GABRP: variants seen among roughly 807,000 people sequenced by gnomAD.
GABRP encodes the protein gamma-aminobutyric acid type A receptor subunit pi.
GABRP carries 52 observed loss-of-function variants against 47.8 expected under a neutral mutation model. The observed-to-expected ratio is 1.09, with a 90% CI of 0.87 to 1.37. The LOEUF (loss-of-function observed/expected upper bound fraction) is 1.37. Among genes scored for constraint, GABRP ranks in the 40% most tolerant of loss-of-function variants. The pLI, the probability that GABRP is intolerant of heterozygous loss-of-function variation, is 0.00. For missense variants in GABRP, 525 were observed against 542.8 expected (o/e 0.97, Z 0.33); for synonymous variants, 221 against 205.8 (o/e 1.07, Z -0.63).
At chr5:170,794,469 A>AGATTCTT in intron 4 of GABRP, 171 bp downstream of exon 4, 1 of 422,510 alleles carries the variant, frequency 2.4e-6, no homozygotes, top group Non-Finnish European at 4.2e-6. Context: ...AGACAGTGGG[A>AGATTCTT]GATTCTTGTA....
intron 1 of GABRP, 102 bp from the exon 2 acceptor site, chr5:170,788,472 C>T (rs1473308811): frequency 4.2e-6 from 3 of 710,170 alleles, no homozygotes; most frequent in Non-Finnish European, 7.5e-6. Flanking sequence ...CCTATGCATG[C>T]TGAGAAAATG....
intron 6 of GABRP, among the ~76,000 whole-genome samples, chr5:170,804,009 C>G (rs1765661328): frequency 6.6e-6 from 1 of 152,142 alleles, no homozygotes; most frequent in Non-Finnish European, 1.5e-5. Context: ...CACAGGTGAT[C>G]CACCTGCCTC....
At chr5:170,801,024 C>G (rs898461652) in intron 6 of GABRP, among the ~76,000 whole-genome samples, 1 of 152,150 alleles carries the variant, frequency 6.6e-6, no homozygotes, top group Non-Finnish European at 1.5e-5. Flanking sequence ...TTACTTAATC[C>G]ATGTCTGTCA....
Position 170,805,856 on chromosome 5 carries a change from A to G in GABRP, c.679+3A>G. ...CACCAGATCGCAGCAGGAGACAGGT[A>G]ACTCATGTGACAAACTGTATGAAAT... is the stretch of plus-strand genomic sequence containing the variant. On this transcript the variant is annotated splice_donor_region_variant and intron_variant, in intron 7 of 9. Coordinates refer to ENST00000265294, the MANE Select transcript of GABRP (RefSeq NM_014211.3). 1 of 1,613,636 alleles carries G rather than the reference A, an allele frequency of 6.2e-7. No individual in the cohort carries two copies. The highest frequency in any genetic ancestry group is 8.5e-7 in the Non-Finnish European group (1 of 1,179,696).
rs113994378 is a variant in GABRP at position 170,784,427 on chromosome 5, C to A, written c.-43+553C>A. 2.7e-3 allele frequency among the ~76,000 whole-genome samples: 411 copies of A among 152,216 alleles called. 6 individuals carry two copies. Among genetic ancestry groups the A allele is most frequent in the African/African-American group, 9.0e-3 (374 of 41,520 alleles). ...GAAGTTTTCAAAAGAGACATAGAGG[C>A]CAAGAGCACGGAGTATAGAAGCCCA... On this transcript the variant is annotated intron_variant, in intron 1 of 9. Coordinates refer to ENST00000265294, the MANE Select transcript of GABRP (RefSeq NM_014211.3).
chr5:170,788,741 G>A (rs557814182), intron 2 of GABRP, 73 bp downstream of exon 2: 2 of 1,407,016 alleles, frequency 1.4e-6, no homozygotes, highest in Non-Finnish European at 2.0e-6. Flanking sequence ...GGAGGGGGCA[G>A]CTCCTCCTAT....
At chr5:170,793,088 T>C (rs1765320665) in intron 3 of GABRP, among the ~76,000 whole-genome samples, 1 of 152,130 alleles carries the variant, frequency 6.6e-6, no homozygotes, top group Admixed American at 6.5e-5. Context: ...GATGAACACC[T>C]TCAGGATGTC....
chr5:170,805,250 C>T (rs1381591105), intron 6 of GABRP, among the ~76,000 whole-genome samples: 3 of 151,884 alleles, frequency 2.0e-5, no homozygotes, highest in African/African-American at 7.2e-5. Flanking sequence ...ATCTAACGTG[C>T]ATTTTTACAG....
At chr5:170,802,287 A>G (rs1765616226) in intron 6 of GABRP, among the ~76,000 whole-genome samples, 1 of 152,166 alleles carries the variant, frequency 6.6e-6, no homozygotes, top group Admixed American at 6.5e-5. Flanking sequence ...TGCAGATATG[A>G]TTTATTAAGG....
In GABRP at chr5:170,795,555, C is replaced by T. The variant is rs540333385; in HGVS notation, c.458+130C>T. 5.0e-5 allele frequency: 35 copies of T among 702,244 alleles called. No homozygotes were observed. The East Asian group carries it at 8.6e-4, about 17-fold the overall frequency. 43.5% of individuals were successfully genotyped at this position (702,244 alleles called of 1,614,324 possible). A position where few individuals can be genotyped will look rare whatever the true frequency, so the allele number is the denominator to read the frequency against. ...GTCCCATGGCTTCTTAGATCCTTGC[C>T]CCCATAATAGAAGGTCCCTCTCTCA... On this transcript the variant is annotated intron_variant, in intron 5 of 9. Coordinates refer to ENST00000265294, the MANE Select transcript of GABRP (RefSeq NM_014211.3).
rs1581607554 is a variant in GABRP, at chr5:170,808,582, T to G, written c.680-18T>G. Reference sequence around the variant, plus strand: ...ACACGAACAGACACAATTTCCTATCTGTTGTTTACCCTTTCAGGAAATTAC... The same window carrying G: ...ACACGAACAGACACAATTTCCTATCGGTTGTTTACCCTTTCAGGAAATTAC... On this transcript the variant is annotated intron_variant, in intron 7 of 9. Coordinates refer to ENST00000265294, the MANE Select transcript of GABRP (RefSeq NM_014211.3). 1.2e-6 allele frequency: 2 copies of G among 1,608,224 alleles called. No individual in the cohort carries two copies. Among genetic ancestry groups the G allele is most frequent in the South Asian group, 2.2e-5 (2 of 90,562 alleles).
At chr5:170,808,362 G>C (rs1765790268) in intron 7 of GABRP, among the ~76,000 whole-genome samples, 1 of 152,192 alleles carries the variant, frequency 6.6e-6, no homozygotes, top group Admixed American at 6.5e-5. Flanking sequence ...TGATTGCACT[G>C]CTGTAGGAAT....
At chr5:170,805,036 T>A (rs1765693966) in intron 6 of GABRP, among the ~76,000 whole-genome samples, 1 of 147,784 alleles carries the variant, frequency 6.8e-6, no homozygotes, top group Admixed American at 6.8e-5. Flanking sequence ...TTATATATTA[T>A]ATAGATATAA....
intron 4 of GABRP, 76 bp downstream of exon 4, chr5:170,794,374 TCAAAA>T: frequency 1.4e-5 from 3 of 213,242 alleles, no homozygotes; most frequent in South Asian, 1.6e-4. Context: ...TTCTAGCCGC[TCAAAA>T]AAAAAAAAAA....
At chr5:170,791,666 C>T (rs1260040144) in intron 3 of GABRP, among the ~76,000 whole-genome samples, 1 of 96,220 alleles carries the variant, frequency 1.0e-5, no homozygotes, top group East Asian at 3.9e-4. Flanking sequence ...GGACAGAAAG[C>T]ACAGTGGAGC....
Position 170,808,570 on chromosome 5 carries a change from C to A in GABRP, c.680-30C>A, listed in dbSNP as rs1179843559. On this transcript the variant is annotated intron_variant, in intron 7 of 9. Coordinates refer to ENST00000265294, the MANE Select transcript of GABRP (RefSeq NM_014211.3). ...AAACCACTTGCTACACGAACAGACACAATTTCCTATCTGTTGTTTACCCTT... is the reference window on the plus strand; with the variant it reads ...AAACCACTTGCTACACGAACAGACAAAATTTCCTATCTGTTGTTTACCCTT... The A allele has an allele frequency of 4.4e-6, 7 of 1,602,630 alleles. No individual in the cohort carries two copies. In the South Asian group the frequency reaches 6.7e-5, roughly 15 times the overall value.
At chr5:170,807,835 C>T (rs1316516766) in intron 7 of GABRP, among the ~76,000 whole-genome samples, 1 of 152,088 alleles carries the variant, frequency 6.6e-6, no homozygotes, top group African/African-American at 2.4e-5. Flanking sequence ...GTTGGAGCAG[C>T]TCCCATTCAC....
Position 170,795,306 on chromosome 5 carries a change from G to C in GABRP, c.339G>C (p.Glu113Asp). Reference sequence around the variant, plus strand: ...TCACTCTGGATGCCCGCCTCGTGGAGTTCCTCTGGGTGCCAGATACTTACA... The same window carrying C: ...TCACTCTGGATGCCCGCCTCGTGGACTTCCTCTGGGTGCCAGATACTTACA... ...KSFTLDARLVEFLWVPDTYIV... is the reference protein window; with the variant it reads ...KSFTLDARLVDFLWVPDTYIV... The change falls in exon 5 of 10, where the codon GAG becomes GAC. Residue 113 changes from glutamate (E) to aspartate (D), a missense_variant. Coordinates refer to ENST00000265294, the MANE Select transcript of GABRP (RefSeq NM_014211.3). 1.2e-6 allele frequency: 2 copies of C among 1,613,948 alleles called. No individual in the cohort carries two copies. The highest frequency in any genetic ancestry group is 1.7e-6 in the Non-Finnish European group (2 of 1,179,988).
chr5:170,802,332 A>G (rs6555919), intron 6 of GABRP, among the ~76,000 whole-genome samples: 13,396 of 152,206 alleles, frequency 0.088, 1,429 homozygotes, highest in African/African-American at 0.26. Context: ...AGGGAGAAAT[A>G]TAGTCAAACT....
Sources: allele counts gnomAD v4.1 joint callset (sites outside exome capture counted in the v4.1 genomes callset), GRCh38; gene constraint gnomAD v4.1.1; transcripts MANE v1.5; gene names NCBI Gene and HGNC (gene_info 2026-07-23, HGNC 2026-07-21).